The following ARIH1 variants were observed in gnomAD, a reference collection of about 807,000 sequenced individuals.
The protein encoded by ARIH1 is E3 ubiquitin-protein ligase ARIH1.
A neutral mutation model predicts 85.0 loss-of-function variants in ARIH1; 8 were observed. The ratio of observed to expected loss-of-function variants is 0.09; its 90% CI spans 0.06 to 0.17. The LOEUF (loss-of-function observed/expected upper bound fraction) is 0.17, where lower values mean the gene tolerates loss of function less well. Ranked by LOEUF, ARIH1 falls within the 10% of genes least tolerant of loss-of-function variation. The probability of loss-of-function intolerance (pLI) is 1.00; values close to 1 mark genes in which losing one functional copy is unlikely to be tolerated. For synonymous variants in ARIH1, 238 were observed against 253.6 expected, an observed-to-expected ratio of 0.94 and a Z score of 0.59; for missense variants, 311 against 718.1, an observed-to-expected ratio of 0.43 and a Z score of 6.48.
chr15:72,530,227 C>T lies in ARIH1; in HGVS notation c.443+12093C>T, dbSNP rs74670389. 3.8e-3 allele frequency among the ~76,000 whole-genome samples: 584 copies of T among 152,226 alleles called. 5 individuals are homozygous for T. Among genetic ancestry groups the T allele is most frequent in the African/African-American group, 0.014 (565 of 41,536 alleles). ...AAACATGTTTGAAAAGTAAGATTAT[C>T]AAATAATTAGTAAGATAGGAAATAG... On this transcript the variant is annotated intron_variant, in intron 2 of 13. Coordinates refer to ENST00000379887, the MANE Select transcript of ARIH1 (RefSeq NM_005744.5).
intron 11 of ARIH1, among the ~76,000 whole-genome samples, chr15:72,575,805 T>A (rs1385143504): frequency 1.3e-5 from 2 of 152,166 alleles, no homozygotes; most frequent in Non-Finnish European, 2.9e-5. Context: ...TTGGCATAAT[T>A]TTCCTGTTCA....
At chr15:72,494,100 T>C (rs1327594012) in intron 1 of ARIH1, among the ~76,000 whole-genome samples, 2 of 152,286 alleles carry the variant, frequency 1.3e-5, no homozygotes, top group South Asian at 2.1e-4. Flanking sequence ...TGTTATAGTT[T>C]ATGAATTTCT....
chr15:72,528,085 G>C (rs1443942992), intron 2 of ARIH1, among the ~76,000 whole-genome samples: 1 of 151,966 alleles, frequency 6.6e-6, no homozygotes, highest in Non-Finnish European at 1.5e-5. Flanking sequence ...AAAAAAAAAA[G>C]TGTCTTTCTT....
chr15:72,515,593 A>C (rs908630413), intron 1 of ARIH1, among the ~76,000 whole-genome samples: 30 of 152,168 alleles, frequency 2.0e-4, no homozygotes, highest in African/African-American at 6.8e-4. Context: ...TAGTAGACAA[A>C]TTGACCTATT....
In ARIH1 at chr15:72,495,866, A is replaced by G. The variant is rs557196689; in HGVS notation, c.375+20852A>G. Among the ~76,000 whole-genome samples, 21 of 152,304 alleles carry G rather than the reference A, an allele frequency of 1.4e-4. 1 individual carries two copies. In the South Asian group the frequency reaches 4.1e-3, roughly 30 times the overall value. On this transcript the variant is annotated intron_variant, in intron 1 of 13. Transcript: ENST00000379887. ...TTATTGAGGTGTAACTATATATGCT[A>G]TATAAACTATGATATACAAATATAT...
intron 2 of ARIH1, among the ~76,000 whole-genome samples, chr15:72,533,155 G>T (rs951201871): frequency 2.6e-5 from 4 of 152,134 alleles, no homozygotes; most frequent in Non-Finnish European, 5.9e-5. Context: ...TTGAGATGGG[G>T]TCTTGCTCTG....
At chr15:72,481,661 G>T (rs577210370) in intron 1 of ARIH1, among the ~76,000 whole-genome samples, 1 of 152,176 alleles carries the variant, frequency 6.6e-6, no homozygotes, top group South Asian at 2.1e-4. Flanking sequence ...ACTCTAGCCT[G>T]GGTGACAGAG....
chr15:72,506,361 AAAAAG>A, intron 1 of ARIH1, among the ~76,000 whole-genome samples: 1 of 148,952 alleles, frequency 6.7e-6, no homozygotes, highest in South Asian at 2.1e-4. Context: ...CAAAAAAAAA[AAAAAG>A]AAAAAAAAAA....
At position 72,590,848 on chromosome 15, in the gene ARIH1, G is replaced by T. The variant is rs1377654259; in HGVS notation, c.*7556G>T. On this transcript the variant is annotated 3_prime_UTR_variant, in exon 14 of 14. Coordinates refer to ENST00000379887, the MANE Select transcript of ARIH1 (RefSeq NM_005744.5). ...CTGATTATGCCTGTTTAAAGGTTTG[G>T]TATTTACTCCAAGTCACCTGCCTTT... The T allele has an allele frequency of 6.6e-6, 1 of 152,128 alleles. No homozygotes were observed. Among genetic ancestry groups the T allele is most frequent in the Non-Finnish European group, 1.5e-5 (1 of 68,018 alleles). 9.4% of individuals were successfully genotyped at this position (152,128 alleles called of 1,614,324 possible).
At chr15:72,569,298 C>T (rs545720480) in intron 9 of ARIH1, among the ~76,000 whole-genome samples, 35 of 152,116 alleles carry the variant, frequency 2.3e-4, no homozygotes, top group African/African-American at 8.0e-4. Flanking sequence ...ACGGTGAGAC[C>T]CTGTCTCAAA....
rs1052130269 is a variant in ARIH1 at position 72,588,808 on chromosome 15, T to A, written c.*5516T>A. ...AAGTAGAACTGACAAGCAGCCATGTTGATTGGCAGTACATTCTCTTACCAA... is the reference window on the plus strand; with the variant it reads ...AAGTAGAACTGACAAGCAGCCATGTAGATTGGCAGTACATTCTCTTACCAA... On this transcript the variant is annotated 3_prime_UTR_variant, in exon 14 of 14. Coordinates refer to ENST00000379887, the MANE Select transcript of ARIH1 (RefSeq NM_005744.5). 1 of 152,210 alleles carries A rather than the reference T, an allele frequency of 6.6e-6. No homozygotes were observed. The highest frequency in any genetic ancestry group is 1.5e-5 in the Non-Finnish European group (1 of 68,032). 9.4% of individuals were successfully genotyped at this position (152,210 alleles called of 1,614,324 possible). A position where few individuals can be genotyped will look rare whatever the true frequency, so the allele number is the denominator to read the frequency against.
intron 3 of ARIH1, among the ~76,000 whole-genome samples, chr15:72,546,906 CCTTTTCTTTT>C (rs139023609): frequency 7.4e-6 from 1 of 134,546 alleles, no homozygotes; most frequent in African/African-American, 2.9e-5. Context: ...GGTTTCTTCT[CCTTTTCTTTT>C]CTTTTCTTTT....
intron 1 of ARIH1, among the ~76,000 whole-genome samples, chr15:72,502,200 T>G (rs1318933792): frequency 6.6e-6 from 1 of 152,234 alleles, no homozygotes; most frequent in Non-Finnish European, 1.5e-5. Context: ...TACATAGTGA[T>G]AACATCCTTC....
Position 72,591,659 on chromosome 15 carries a change from A to G in ARIH1, c.*8367A>G, listed in dbSNP as rs1457513021. The G allele has an allele frequency of 2.0e-5, 3 of 152,214 alleles. No individual in the cohort carries two copies. The highest frequency in any genetic ancestry group is 7.2e-5 in the African/African-American group (3 of 41,460). 9.4% of individuals were successfully genotyped at this position (152,214 alleles called of 1,614,324 possible). A position where few individuals can be genotyped will look rare whatever the true frequency, so the allele number is the denominator to read the frequency against. On this transcript the variant is annotated 3_prime_UTR_variant, in exon 14 of 14. Coordinates refer to ENST00000379887, the MANE Select transcript of ARIH1 (RefSeq NM_005744.5). ...GTCAAATCATTTTCTCAGAGGAAGTACAGCATAAAATAATAACCAGCATTT... is the reference window on the plus strand; with the variant it reads ...GTCAAATCATTTTCTCAGAGGAAGTGCAGCATAAAATAATAACCAGCATTT...
chr15:72,532,242 A>G (rs1291115366), intron 2 of ARIH1, among the ~76,000 whole-genome samples: 1 of 151,936 alleles, frequency 6.6e-6, no homozygotes, highest in Non-Finnish European at 1.5e-5. Flanking sequence ...AATAACCAGT[A>G]TTAGGAATGA....
chr15:72,561,422 A>G, intron 5 of ARIH1, 61 bp from the exon 6 acceptor site: 1 of 1,261,284 alleles, frequency 7.9e-7, no homozygotes, highest in Non-Finnish European at 1.1e-6. Flanking sequence ...ACTATGTTTT[A>G]TAAATGTGGA....
intron 1 of ARIH1, among the ~76,000 whole-genome samples, chr15:72,477,466 GAT>G (rs1360108054): frequency 6.6e-6 from 1 of 152,166 alleles, no homozygotes; most frequent in African/African-American, 2.4e-5. Context: ...AATCAGGTAA[GAT>G]ACATTTGCAG....
chr15:72,564,315 C>G (rs1241578207), intron 7 of ARIH1, among the ~76,000 whole-genome samples: 1 of 152,218 alleles, frequency 6.6e-6, no homozygotes, highest in Non-Finnish European at 1.5e-5. Flanking sequence ...GATGGCCTTT[C>G]CTCTAGTTTC....
chr15:72,570,377 T>A (rs2064237771), intron 10 of ARIH1, 70 bp downstream of exon 10: 1 of 1,573,914 alleles, frequency 6.4e-7, no homozygotes, highest in Non-Finnish European at 8.7e-7. Context: ...ATAACATTTC[T>A]ACCTCATAGA....
Sources: allele counts gnomAD v4.1 joint callset (sites outside exome capture counted in the v4.1 genomes callset), GRCh38; gene constraint gnomAD v4.1.1; transcripts MANE v1.5; gene names NCBI Gene and HGNC (gene_info 2026-07-23, HGNC 2026-07-21).